Variants in N4BP3 observed in about 807,000 individuals in gnomAD.
N4BP3 encodes NEDD4 binding protein 3.
A neutral mutation model predicts 43.8 loss-of-function variants in N4BP3; 33 were observed. The ratio of observed to expected loss-of-function variants is 0.75; its 90% CI spans 0.57 to 1.01. N4BP3 has a LOEUF of 1.01. N4BP3 is among the 50% of genes least tolerant of loss of function. The pLI is 0.00. For synonymous variants in N4BP3, 326 were observed against 321.9 expected (o/e 1.01, Z -0.14); for missense variants, 756 against 744.2 (o/e 1.02, Z -0.18).
downstream of N4BP3, among the ~76,000 whole-genome samples, chr5:178,126,353 T>C (rs1243853428): frequency 6.6e-6 from 1 of 152,250 alleles, no homozygotes; most frequent in East Asian, 1.9e-4. Flanking sequence ...TAATTTTTTG[T>C]ATTTTTAGTA....
At chr5:178,119,944 G>A (rs1757872918) in intron 2 of N4BP3, 31 bp downstream of exon 2, 1 of 1,555,260 alleles carries the variant, frequency 6.4e-7, no homozygotes, top group African/African-American at 1.4e-5. Flanking sequence ...CTTACAAGGT[G>A]TGGGGAGGGT....
rs932519030 is a variant in N4BP3, at chr5:178,126,036, A to G, written c.*4035A>G. 6.6e-6 allele frequency: 1 copy of G among 152,236 alleles called. No homozygotes were observed. Among genetic ancestry groups the G allele is most frequent in the Non-Finnish European group, 1.5e-5 (1 of 68,046 alleles). 9.4% of individuals were successfully genotyped at this position (152,236 alleles called of 1,614,324 possible). Reference sequence around the variant, plus strand: ...GGAAAGAATGAAGAGCCAGAAATAGATTCTATTCTGTAGAAAATCTTACAC... The same window carrying G: ...GGAAAGAATGAAGAGCCAGAAATAGGTTCTATTCTGTAGAAAATCTTACAC... On this transcript the variant is annotated 3_prime_UTR_variant, in exon 5 of 5. Transcript: ENST00000274605.
At position 178,123,300 on chromosome 5, in the gene N4BP3, A is replaced by G. The variant is rs368108199; in HGVS notation, c.*1299A>G. 5 of 152,376 alleles carry G rather than the reference A, an allele frequency of 3.3e-5. No homozygotes were observed. In the East Asian group the frequency reaches 5.8e-4, roughly 18 times the overall value. 9.4% of individuals were successfully genotyped at this position (152,376 alleles called of 1,614,324 possible). A position where few individuals can be genotyped will look rare whatever the true frequency, so the allele number is the denominator to read the frequency against. Reference sequence around the variant, plus strand: ...CTCATCGTTGGACGGGCTGCCATGCATTGCGTGCTTACTGGGCGCCAGGTG... The same window carrying G: ...CTCATCGTTGGACGGGCTGCCATGCGTTGCGTGCTTACTGGGCGCCAGGTG... On this transcript the variant is annotated 3_prime_UTR_variant, in exon 5 of 5. Coordinates refer to ENST00000274605, the MANE Select transcript of N4BP3 (RefSeq NM_015111.2).
In N4BP3 at chr5:178,121,643, T is replaced by C; in HGVS notation, c.1277T>C (p.Val426Ala). ...GAGCTGGTCCGGCTGCGCGAGGCTGTGCGCAGCCTGCAGGAGCAGGCCCCT... is the reference window on the plus strand; with the variant it reads ...GAGCTGGTCCGGCTGCGCGAGGCTGCGCGCAGCCTGCAGGAGCAGGCCCCT... ...DAELVRLREA[V>A]RSLQEQAPRE... is the part of the protein sequence containing the mutation. Residue 426 changes from valine (V) to alanine (A), a missense_variant, in exon 5 of 5, where the codon GTG becomes GCG. Coordinates refer to ENST00000274605, the MANE Select transcript of N4BP3 (RefSeq NM_015111.2). 1.9e-6 allele frequency: 3 copies of C among 1,612,548 alleles called. No homozygotes were observed. Among genetic ancestry groups the C allele is most frequent in the South Asian group, 1.1e-5 (1 of 91,046 alleles).
At chr5:178,116,265 G>T (rs1441047593) in intron 1 of N4BP3, among the ~76,000 whole-genome samples, 1 of 152,140 alleles carries the variant, frequency 6.6e-6, no homozygotes, top group Admixed American at 6.5e-5. Flanking sequence ...GTATGTGTTG[G>T]GGGAGGGGGT....
intron 1 of N4BP3, among the ~76,000 whole-genome samples, chr5:178,116,576 G>T (rs1188888841): frequency 1.3e-5 from 2 of 152,208 alleles, no homozygotes; most frequent in East Asian, 3.9e-4. Flanking sequence ...GTATGATTGT[G>T]TTTGCTGCTG....
intron 3 of N4BP3, among the ~76,000 whole-genome samples, 176 bp from the exon 4 acceptor site, chr5:178,120,922 A>T (rs1297456814): frequency 6.6e-6 from 1 of 152,128 alleles, no homozygotes; most frequent in Non-Finnish European, 1.5e-5. Flanking sequence ...GCTCCCTGGG[A>T]GGGCCATGTG....
At position 178,125,480 on chromosome 5, in the gene N4BP3, T is replaced by C. The variant is rs1479146492; in HGVS notation, c.*3479T>C. ...TTCTCTGAGACTCACGGAATGTAAG[T>C]GTTGAGGTTTCTGCAAAGAGGGCGC... is the stretch of plus-strand genomic sequence containing the variant. On this transcript the variant is annotated 3_prime_UTR_variant, in exon 5 of 5. Coordinates refer to ENST00000274605, the MANE Select transcript of N4BP3 (RefSeq NM_015111.2). 6.6e-6 allele frequency: 1 copy of C among 152,204 alleles called. No individual in the cohort carries two copies. Among genetic ancestry groups the C allele is most frequent in the Non-Finnish European group, 1.5e-5 (1 of 68,090 alleles). The allele number at this position is 152,204 out of a possible 1,614,324, so 9.4% of individuals were successfully genotyped here. A position where few individuals can be genotyped will look rare whatever the true frequency, so the allele number is the denominator to read the frequency against.
chr5:178,117,139 T>C (rs1561614889), intron 1 of N4BP3, among the ~76,000 whole-genome samples: 1 of 152,104 alleles, frequency 6.6e-6, no homozygotes, highest in Non-Finnish European at 1.5e-5. Flanking sequence ...ATGCAGAAAC[T>C]GAGGCATGGC....
At chr5:178,120,973 G>T (rs1286157572) in intron 3 of N4BP3, 125 bp from the exon 4 acceptor site, 3 of 1,334,976 alleles carry the variant, frequency 2.2e-6, no homozygotes, top group South Asian at 3.1e-5. Context: ...GGGTTAAAGC[G>T]CATGTGTGGC....
downstream of N4BP3, among the ~76,000 whole-genome samples, chr5:178,126,441 G>A (rs1432265128): frequency 6.6e-6 from 1 of 151,876 alleles, no homozygotes; most frequent in Non-Finnish European, 1.5e-5. Flanking sequence ...GCCTCCCAAA[G>A]TGCTCGGATT....
chr5:178,126,437 C>T (rs1183785966), downstream of N4BP3, among the ~76,000 whole-genome samples: 1 of 151,986 alleles, frequency 6.6e-6, no homozygotes, highest in Non-Finnish European at 1.5e-5. Context: ...CTCAGCCTCC[C>T]AAAGTGCTCG....
intron 1 of N4BP3, among the ~76,000 whole-genome samples, chr5:178,116,364 G>A (rs985725837): frequency 3.8e-5 from 5 of 130,994 alleles, no homozygotes; most frequent in African/African-American, 5.9e-5. Flanking sequence ...GGGGGCCCCC[G>A]CCCTGCTGGG....
At position 178,124,469 on chromosome 5, in the gene N4BP3, T is replaced by C. The variant is rs779018849; in HGVS notation, c.*2468T>C. The C allele has an allele frequency of 6.6e-6, 1 of 152,224 alleles. No homozygotes were observed. Among genetic ancestry groups the C allele is most frequent in the Non-Finnish European group, 1.5e-5 (1 of 68,088 alleles). 9.4% of individuals were successfully genotyped at this position (152,224 alleles called of 1,614,324 possible). A position where few individuals can be genotyped will look rare whatever the true frequency, so the allele number is the denominator to read the frequency against. On this transcript the variant is annotated 3_prime_UTR_variant, in exon 5 of 5. Coordinates refer to ENST00000274605, the MANE Select transcript of N4BP3 (RefSeq NM_015111.2). ...GTGTCACTGATCACAGGTGTCACCG[T>C]AGTGGCTACCACCTCAGGGCAGCCC... is the stretch of plus-strand genomic sequence containing the variant.
chr5:178,117,532 TC>T (rs1249879648), intron 1 of N4BP3, among the ~76,000 whole-genome samples: 1 of 147,134 alleles, frequency 6.8e-6, no homozygotes, highest in East Asian at 2.0e-4. Flanking sequence ...GATGGCTTGA[TC>T]CTAGGAGTTC....
In N4BP3 at chr5:178,120,627, C is replaced by T. The variant is rs775860688; in HGVS notation, c.780C>T (p.Ala260=). The change falls in exon 3 of 5, where the codon GCC becomes GCT. Residue 260 remains alanine, a synonymous_variant. Coordinates refer to ENST00000274605, the MANE Select transcript of N4BP3 (RefSeq NM_015111.2). ...FSCSSAEEMG[A]VLPETCEELK... ...GCTCCTCTGCCGAGGAAATGGGAGC[C>T]GTGCTGCCCGAGACCTGTGAGGAGC... is the stretch of plus-strand genomic sequence containing the variant. 25 of 1,608,990 alleles carry T rather than the reference C, an allele frequency of 1.6e-5. No homozygotes were observed. Among genetic ancestry groups the T allele is most frequent in the African/African-American group, 5.3e-5 (4 of 74,938 alleles).
chr5:178,114,144 C>G (rs533191997), intron 1 of N4BP3, among the ~76,000 whole-genome samples: 1 of 152,218 alleles, frequency 6.6e-6, no homozygotes, highest in East Asian at 1.9e-4. Flanking sequence ...CCTCCGCCCC[C>G]CGGCCCAGCC....
rs1561619287 is a variant in N4BP3, at chr5:178,122,086, GTGGAACCT to G, written c.*86_*93del. On this transcript the variant is annotated 3_prime_UTR_variant, in exon 5 of 5. Transcript: ENST00000274605. ...TCAGCCTTCCCTTGCACTGGTTGGGGTGGAACCTGCAGAGGCCAGCCCGGGGCTGGGGA... is the reference window on the plus strand; with the variant it reads ...TCAGCCTTCCCTTGCACTGGTTGGGGGCAGAGGCCAGCCCGGGGCTGGGGA... The G allele has an allele frequency of 2.1e-6, 3 of 1,449,992 alleles. No individual in the cohort carries two copies. The East Asian group carries it at 7.3e-5, about 35-fold the overall frequency. 89.8% of individuals were successfully genotyped at this position (1,449,992 alleles called of 1,614,324 possible). A position where few individuals can be genotyped will look rare whatever the true frequency, so the allele number is the denominator to read the frequency against.
chr5:178,114,376 C>T (rs531683374), intron 1 of N4BP3, among the ~76,000 whole-genome samples: 2 of 152,366 alleles, frequency 1.3e-5, no homozygotes, highest in African/African-American at 4.8e-5. Context: ...CCTGCCGGTC[C>T]ACCAGGCTGC....
Sources: allele counts gnomAD v4.1 joint callset (sites outside exome capture counted in the v4.1 genomes callset), GRCh38; gene constraint gnomAD v4.1.1; transcripts MANE v1.5; gene names NCBI Gene and HGNC (gene_info 2026-07-23, HGNC 2026-07-21).